Variants in CFAP52 observed in about 807,000 individuals in gnomAD.
The protein encoded by CFAP52 is cilia- and flagella-associated protein 52.
In CFAP52, 57 loss-of-function variants were observed where a neutral mutation model predicts 70.5. The observed-to-expected ratio is 0.81, with a 90% CI of 0.65 to 1.01. The LOEUF is 1.01. CFAP52 is among the 50% of genes least tolerant of loss of function. The pLI, the probability that CFAP52 is intolerant of heterozygous loss-of-function variation, is 0.00. For synonymous variants in CFAP52, 267 were observed against 292.5 expected, an observed-to-expected ratio of 0.91 and a Z score of 0.89; for missense variants, 785 against 788.5, an observed-to-expected ratio of 1.00 and a Z score of 0.05.
At chr17:9,637,783 C>G (rs1002408363) in intron 11 of CFAP52, among the ~76,000 whole-genome samples, 2 of 152,204 alleles carry the variant, frequency 1.3e-5, no homozygotes, top group East Asian at 3.8e-4. Context: ...CCATGTTGGC[C>G]AGGCTGGTCT....
At chr17:9,594,984 G>A (rs774709991) in intron 4 of CFAP52, among the ~76,000 whole-genome samples, 12 of 141,342 alleles carry the variant, frequency 8.5e-5, no homozygotes, top group East Asian at 6.4e-4. Flanking sequence ...TCCACCTCCC[G>A]GGTTCAAGCA....
At chr17:9,582,763 A>C (rs1321785394) in intron 1 of CFAP52, among the ~76,000 whole-genome samples, 1 of 152,154 alleles carries the variant, frequency 6.6e-6, no homozygotes, top group Admixed American at 6.5e-5. Flanking sequence ...CAGCCTCTCA[A>C]GTAGCTGGGA....
At chr17:9,603,426 G>T (rs1246550990) in intron 6 of CFAP52, among the ~76,000 whole-genome samples, 1 of 152,072 alleles carries the variant, frequency 6.6e-6, no homozygotes, top group Non-Finnish European at 1.5e-5. Context: ...AGCCAGGATG[G>T]TCTCGATCTC....
intron 9 of CFAP52, among the ~76,000 whole-genome samples, chr17:9,630,043 C>G (rs73975753): frequency 0.016 from 2,401 of 152,002 alleles, 72 homozygotes; most frequent in African/African-American, 0.054. Flanking sequence ...GGAGTCCTCA[C>G]TGCCTCCCCT....
chr17:9,582,201 C>T (rs777442880), intron 1 of CFAP52, among the ~76,000 whole-genome samples: 1 of 152,168 alleles, frequency 6.6e-6, no homozygotes, highest in Non-Finnish European at 1.5e-5. Context: ...GGGGCATGTG[C>T]GCATTCAAGC....
intron 6 of CFAP52, among the ~76,000 whole-genome samples, chr17:9,601,589 T>C (rs1275546519): frequency 3.9e-5 from 6 of 152,192 alleles, no homozygotes; most frequent in African/African-American, 1.2e-4. Context: ...TAACTAGATC[T>C]TAGATTTTAG....
rs199769459 is a variant in CFAP52 at position 9,632,037 on chromosome 17, C to T, written c.1175-851C>T. Among the ~76,000 whole-genome samples the T allele has an allele frequency of 1.0e-3, 155 of 148,584 alleles. 1 individual carries two copies. In the East Asian group the frequency reaches 0.029, roughly 28 times the overall value. ...ATCCGCCTGCCTTGGCCTCCCAAAG[C>T]GCTGGGATTACAGGTATGAGCCACT... is the stretch of plus-strand genomic sequence containing the variant. On this transcript the variant is annotated intron_variant, in intron 9 of 13. Coordinates refer to ENST00000352665, the MANE Select transcript of CFAP52 (RefSeq NM_145054.5).
intron 10 of CFAP52, among the ~76,000 whole-genome samples, chr17:9,633,326 T>G (rs571241718): frequency 2.6e-5 from 4 of 152,262 alleles, no homozygotes; most frequent in South Asian, 4.1e-4. Flanking sequence ...TGCCTCAGCC[T>G]CCTGAGCAGC....
chr17:9,608,245 G>A (rs1294683417), intron 7 of CFAP52, 26 bp downstream of exon 7: 6 of 1,570,980 alleles, frequency 3.8e-6, no homozygotes, highest in Non-Finnish European at 8.7e-7. Context: ...CACACAGTGG[G>A]GCTGGGTAGA....
At chr17:9,597,415 T>C (rs1030738766) in intron 4 of CFAP52, 1 of 152,210 alleles carries the variant, frequency 6.6e-6, no homozygotes, top group African/African-American at 2.4e-5. Flanking sequence ...ATAATGCATA[T>C]GTTCAATAGC....
At chr17:9,638,515 A>T (rs1164818062) in intron 11 of CFAP52, 94 bp from the exon 12 acceptor site, 2 of 1,225,678 alleles carry the variant, frequency 1.6e-6, no homozygotes, top group African/African-American at 3.0e-5. Flanking sequence ...AAACCAACCC[A>T]AATCCCAGCT....
chr17:9,640,258 G>T (rs1021687969), intron 12 of CFAP52, among the ~76,000 whole-genome samples: 8 of 148,560 alleles, frequency 5.4e-5, no homozygotes, highest in Non-Finnish European at 1.2e-4. Context: ...TTTAAGTTCA[G>T]GGGTACATGT....
At position 9,635,489 on chromosome 17, in the gene CFAP52, G is replaced by A; in HGVS notation, c.1405G>A (p.Val469Met). The change falls in exon 11 of 14, where the codon GTG becomes ATG. Residue 469 changes from valine to methionine, a missense_variant. Transcript: ENST00000352665. ...CAAGTCATCAGTGTCCTGCATTAGG[G>A]TGAAGAGGAACAACGAGGAGTGTGT... is the stretch of plus-strand genomic sequence containing the variant. Reference protein sequence around the residue: ...EHKSSVSCIRVKRNNEECVTA... With the variant: ...EHKSSVSCIRMKRNNEECVTA... The A allele has an allele frequency of 6.2e-7, 1 of 1,614,210 alleles. No individual in the cohort carries two copies. The highest frequency in any genetic ancestry group is 8.5e-7 in the Non-Finnish European group (1 of 1,180,050).
chr17:9,612,245 C>T (rs1909741015), intron 7 of CFAP52, 64 bp from the exon 8 acceptor site: 1 of 1,569,982 alleles, frequency 6.4e-7, no homozygotes, highest in African/African-American at 1.4e-5. Context: ...TGCCATGCTT[C>T]ACATGATTCG....
Position 9,632,997 on chromosome 17 carries a change from C to G in CFAP52, c.1284C>G (p.Asp428Glu). The G allele has an allele frequency of 1.2e-6, 2 of 1,614,162 alleles. No homozygotes were observed. Among genetic ancestry groups the G allele is most frequent in the Non-Finnish European group, 1.7e-6 (2 of 1,180,022 alleles). The stretch of plus-strand genomic sequence containing the variant: ...TCACCGCCATCGCCACCACCAGTGA[C>G]TGTAAAAGGGTCATCAGTGGCGGTG... Reference protein sequence around the residue: ...IGVTAIATTSDCKRVISGGGE... With the variant: ...IGVTAIATTSECKRVISGGGE... Residue 428 changes from aspartate (D) to glutamate (E), a missense_variant, in exon 10 of 14, where the codon GAC becomes GAG. Coordinates refer to ENST00000352665, the MANE Select transcript of CFAP52 (RefSeq NM_145054.5).
Position 9,631,970 on chromosome 17 carries a change from G to GTAGA in CFAP52, c.1175-918_1175-917insTAGA, listed in dbSNP as rs1487277038. On this transcript the variant is annotated intron_variant, in intron 9 of 13. Coordinates refer to ENST00000352665, the MANE Select transcript of CFAP52 (RefSeq NM_145054.5). ...TTTTTTTTAGTAGAGGTGGGGTCTT[G>GTAGA]CCATGTTGACCAGGCTGGTCTCCAC... Among the ~76,000 whole-genome samples, 7 of 151,998 alleles carry GTAGA rather than the reference G, an allele frequency of 4.6e-5. No individual in the cohort carries two copies. In the East Asian group the frequency reaches 1.4e-3, roughly 29 times the overall value.
chr17:9,593,829 G>A (rs1214012437), intron 3 of CFAP52, among the ~76,000 whole-genome samples: 3 of 152,008 alleles, frequency 2.0e-5, no homozygotes, highest in African/African-American at 7.2e-5. Flanking sequence ...CCCGGACATG[G>A]TGGTGTGCGT....
intron 2 of CFAP52, 35 bp downstream of exon 2, chr17:9,586,007 T>C (rs778069241): frequency 1.2e-6 from 2 of 1,606,840 alleles, no homozygotes; most frequent in African/African-American, 1.3e-5. Flanking sequence ...TGTCAATTTA[T>C]CTAGAGGTGC....
chr17:9,636,243 GAAA>G (rs1567637247), intron 11 of CFAP52, among the ~76,000 whole-genome samples: 28 of 128,796 alleles, frequency 2.2e-4, no homozygotes, highest in Non-Finnish European at 1.3e-4. Flanking sequence ...AAGAAAGAAA[GAAA>G]GAAAGAGAAA....
Sources: allele counts gnomAD v4.1 joint callset (sites outside exome capture counted in the v4.1 genomes callset), GRCh38; gene constraint gnomAD v4.1.1; transcripts MANE v1.5; gene names NCBI Gene and HGNC (gene_info 2026-07-23, HGNC 2026-07-21).